The following SNRNP48 variants were observed in gnomAD, a reference collection of about 807,000 sequenced individuals.
SNRNP48 encodes the protein U11/U12 small nuclear ribonucleoprotein 48 kDa protein.
In SNRNP48, 43 loss-of-function variants were observed where a neutral mutation model predicts 47.0. The observed-to-expected ratio is 0.92, with a 90% CI of 0.72 to 1.18. SNRNP48 has a LOEUF of 1.18. Ranked by LOEUF, SNRNP48 falls within the 50% of genes most tolerant of loss-of-function variation. The pLI is 0.00. For missense variants in SNRNP48, 396 were observed against 422.2 expected (o/e 0.94, Z 0.54); for synonymous variants, 138 against 144.0 (o/e 0.96, Z 0.30).
At chr6:7,599,638 G>T in intron 4 of SNRNP48, 2 of 1,232,844 alleles carry the variant, frequency 1.6e-6, no homozygotes, top group Non-Finnish European at 2.1e-6. Context: ...AATGCAGTTT[G>T]TTGCTTAACC....
chr6:7,591,988 G>A (rs775651876), intron 1 of SNRNP48, among the ~76,000 whole-genome samples: 12 of 152,150 alleles, frequency 7.9e-5, no homozygotes, highest in Non-Finnish European at 1.3e-4. Flanking sequence ...TCCTCACAGA[G>A]CTTATTGTCT....
intron 1 of SNRNP48, among the ~76,000 whole-genome samples, chr6:7,591,750 T>G (rs1348366111): frequency 6.6e-6 from 1 of 152,216 alleles, no homozygotes; most frequent in Non-Finnish European, 1.5e-5. Context: ...GTAGGTATCT[T>G]TGGCCACATT....
chr6:7,605,515 ACT>A (rs760407109), intron 7 of SNRNP48, 29 bp downstream of exon 7: 13 of 1,581,142 alleles, frequency 8.2e-6, no homozygotes, highest in Admixed American at 1.7e-5. Context: ...TGGTGAAAAT[ACT>A]CTCTCTTTGA....
chr6:7,596,327 A>G lies in SNRNP48; in HGVS notation c.406+1226A>G, dbSNP rs9405344. Among the ~76,000 whole-genome samples, 17 of 152,228 alleles carry G rather than the reference A, an allele frequency of 1.1e-4. No individual in the cohort carries two copies. In the East Asian group the frequency reaches 3.3e-3, roughly 29 times the overall value. On this transcript the variant is annotated intron_variant, in intron 4 of 8. Coordinates refer to ENST00000342415, the MANE Select transcript of SNRNP48 (RefSeq NM_152551.4). Reference sequence around the variant, plus strand: ...AAGTTTAAATTTCTAATGAATGTAGATATGACATCTAGCCAAAACCTGAAC... The same window carrying G: ...AAGTTTAAATTTCTAATGAATGTAGGTATGACATCTAGCCAAAACCTGAAC...
chr6:7,595,081 A>T lies in SNRNP48; in HGVS notation c.386A>T (p.Asp129Val), dbSNP rs1487075251. The change falls in exon 4 of 9, where the codon GAC (aspartate) becomes GTC (valine). Residue 129 changes from aspartate (D) to valine (V), a missense_variant. Coordinates refer to ENST00000342415, the MANE Select transcript of SNRNP48 (RefSeq NM_152551.4). ...IKQARTAVGK[D>V]SDCYNQRIYS... ...CAAGCTAGAACTGCAGTTGGGAAAG[A>T]CAGTGATTGTTATAATCAAAGTAAG... The T allele has an allele frequency of 2.5e-6, 4 of 1,598,994 alleles. No homozygotes were observed. The highest frequency in any genetic ancestry group is 1.4e-5 in the African/African-American group (1 of 73,838).
At chr6:7,601,665 C>T (rs1288438651) in intron 5 of SNRNP48, 141 bp downstream of exon 5, 10 of 818,206 alleles carry the variant, frequency 1.2e-5, no homozygotes, top group Middle Eastern at 3.7e-4. Context: ...GAAGTTGGCC[C>T]TCTGTGTCTG....
At position 7,602,630 on chromosome 6, in the gene SNRNP48, T is replaced by G. The variant is rs778405263; in HGVS notation, c.603T>G (p.Ser201Arg). The G allele has an allele frequency of 6.3e-7, 1 of 1,589,452 alleles. No individual in the cohort carries two copies. The highest frequency in any genetic ancestry group is 8.5e-7 in the Non-Finnish European group (1 of 1,170,778). The change falls in exon 6 of 9, where the codon AGT becomes AGG. Residue 201 changes from serine (S) to arginine (R), a missense_variant. By Grantham distance (110) the Ser-to-Arg change is moderately radical (BLOSUM62 -1). Transcript: ENST00000342415. ...ATTTTATTCTTTCATTAGACAATAG[T>G]CGAAAAAGTCCAAAATCCTACCTTG... ...DLAAKINQDN[S>R]RKSPKSYLEI...
intron 8 of SNRNP48, among the ~76,000 whole-genome samples, chr6:7,607,055 A>C (rs904305313): frequency 1.3e-5 from 2 of 152,206 alleles, no homozygotes; most frequent in African/African-American, 4.8e-5. Context: ...ATGGTGGCTC[A>C]TGCCTATAAT....
intron 1 of SNRNP48, among the ~76,000 whole-genome samples, chr6:7,593,380 T>G (rs567354444): frequency 6.6e-6 from 1 of 152,294 alleles, no homozygotes; most frequent in South Asian, 2.1e-4. Flanking sequence ...GACATGTTTT[T>G]GGCTTTAGTA....
At position 7,602,272 on chromosome 6, in the gene SNRNP48, A is replaced by G. The variant is rs1760038864; in HGVS notation, c.596-351A>G. 2.0e-5 allele frequency among the ~76,000 whole-genome samples: 3 copies of G among 152,290 alleles called. 1 individual carries two copies. Among genetic ancestry groups the G allele is most frequent in the Middle Eastern group, 3.4e-3 (1 of 294 alleles). On this transcript the variant is annotated intron_variant, in intron 5 of 8. Coordinates refer to ENST00000342415, the MANE Select transcript of SNRNP48 (RefSeq NM_152551.4). The stretch of plus-strand genomic sequence containing the variant: ...GACTTGAGCATCCATGGATTTTGAT[A>G]TCCTTGGGGGTTCCTGAACAAATTC...
At chr6:7,600,462 T>C (rs1216729358) in intron 4 of SNRNP48, 2 of 152,494 alleles carry the variant, frequency 1.3e-5, no homozygotes, top group Non-Finnish European at 2.9e-5. Flanking sequence ...GTTCTTTGTT[T>C]GCATTAGTGA....
At chr6:7,595,644 A>G (rs1407737652) in intron 4 of SNRNP48, among the ~76,000 whole-genome samples, 1 of 152,178 alleles carries the variant, frequency 6.6e-6, no homozygotes, top group African/African-American at 2.4e-5. Context: ...TACTCTTGAG[A>G]TTTCCTCTCT....
chr6:7,601,117 A>AC, intron 4 of SNRNP48: 1 of 401,072 alleles, frequency 2.5e-6, no homozygotes, highest in Non-Finnish European at 4.2e-6. Context: ...AGAATAGCAA[A>AC]CATCCATAAT....
chr6:7,595,011 T>C lies in SNRNP48; in HGVS notation c.332-16T>C. ...ATGATTCATATTGTATTTATGGATT[T>C]TTTTTTTTTTGACAGATAAGGACTC... On this transcript the variant is annotated splice_polypyrimidine_tract_variant and intron_variant, in intron 3 of 8. Transcript: ENST00000342415. 6.4e-7 allele frequency: 1 copy of C among 1,567,822 alleles called. No homozygotes were observed. Among genetic ancestry groups the C allele is most frequent in the Non-Finnish European group, 8.6e-7 (1 of 1,158,944 alleles).
At chr6:7,599,564 G>GT in intron 4 of SNRNP48, 1 of 557,654 alleles carries the variant, frequency 1.8e-6, no homozygotes, top group South Asian at 2.4e-5. Flanking sequence ...TTATGTAAAT[G>GT]TAAGTTTATT....
At chr6:7,598,690 T>C (rs747772654) in intron 4 of SNRNP48, among the ~76,000 whole-genome samples, 1 of 152,184 alleles carries the variant, frequency 6.6e-6, no homozygotes, top group Non-Finnish European at 1.5e-5. Context: ...CATTTCTCCA[T>C]CTAATTCGTA....
Position 7,602,473 on chromosome 6 carries a change from C to T in SNRNP48, c.596-150C>T, listed in dbSNP as rs568372526. The T allele has an allele frequency of 2.7e-5, 15 of 561,334 alleles. 1 individual carries two copies. Among genetic ancestry groups the T allele is most frequent in the South Asian group, 1.7e-4 (5 of 29,432 alleles). The allele number at this position is 561,334 out of a possible 1,614,324, so 34.8% of individuals were successfully genotyped here. ...AGAAGAAATGATATAAAACTTAGCC[C>T]GTGTATATAAATAATATACAATTTT... On this transcript the variant is annotated intron_variant, in intron 5 of 8. Coordinates refer to ENST00000342415, the MANE Select transcript of SNRNP48 (RefSeq NM_152551.4).
Position 7,594,919 on chromosome 6 carries a change from G to C in SNRNP48, c.332-108G>C, listed in dbSNP as rs1429885409. On this transcript the variant is annotated intron_variant, in intron 3 of 8. Transcript: ENST00000342415. ...GATGTGGATGTTTCTTAAGATTCTG[G>C]AAGGTTTGTCCACGTGCCCAAAGGG... 7.3e-6 allele frequency: 6 copies of C among 820,688 alleles called. No homozygotes were observed. The Admixed American group carries it at 1.9e-4, about 26-fold the overall frequency. The allele number at this position is 820,688 out of a possible 1,614,324, so 50.8% of individuals were successfully genotyped here. A position where few individuals can be genotyped will look rare whatever the true frequency, so the allele number is the denominator to read the frequency against.
chr6:7,599,729 A>T (rs1368046050), intron 4 of SNRNP48: 13 of 1,282,534 alleles, frequency 1.0e-5, no homozygotes, highest in Non-Finnish European at 1.3e-5. Flanking sequence ...TTATTTAAAG[A>T]TATGCAGTAT....
Sources: allele counts gnomAD v4.1 joint callset (sites outside exome capture counted in the v4.1 genomes callset), GRCh38; gene constraint gnomAD v4.1.1; transcripts MANE v1.5; gene names NCBI Gene and HGNC (gene_info 2026-07-23, HGNC 2026-07-21).